The following MXD4 variants were observed in gnomAD, a reference collection of about 807,000 sequenced individuals.
MXD4 encodes MAX dimerization protein 4.
MXD4 carries 16 observed loss-of-function variants against 24.5 expected under a neutral mutation model. That is an observed-to-expected ratio of 0.65 (90% confidence interval 0.44 to 0.99). MXD4 has a LOEUF of 0.99. Ranked by LOEUF, MXD4 falls within the 50% of genes least tolerant of loss-of-function variation. The pLI, the probability that MXD4 is intolerant of heterozygous loss-of-function variation, is 0.00. For missense variants in MXD4, 301 were observed against 301.5 expected (o/e 1.00, Z 0.01); for synonymous variants, 164 against 134.2 (o/e 1.22, Z -1.54).
intron 2 of MXD4, among the ~76,000 whole-genome samples, chr4:2,260,754 C>G (rs941064976): frequency 1.3e-5 from 2 of 152,236 alleles, no homozygotes; most frequent in African/African-American, 4.8e-5. Context: ...TTCCCTAGAA[C>G]AGGTGGACCA....
rs189928481 is a variant in MXD4, at chr4:2,260,591, C to A, written c.164+1134G>T. On this transcript the variant is annotated intron_variant, in intron 2 of 5. Coordinates refer to ENST00000337190, the MANE Select transcript of MXD4 (RefSeq NM_006454.3). ...AGGAGGCCTGAGGCAATGGTTCCCT[C>A]GTCACACTCCTGTCCTTCCCCAAAC... 4 of 455,584 alleles carry A rather than the reference C, an allele frequency of 8.8e-6. No homozygotes were observed. The East Asian group carries it at 2.8e-4, about 32-fold the overall frequency. The allele number at this position is 455,584 out of a possible 1,614,324, so 28.2% of individuals were successfully genotyped here. A position where few individuals can be genotyped will look rare whatever the true frequency, so the allele number is the denominator to read the frequency against.
intron 4 of MXD4, among the ~76,000 whole-genome samples, chr4:2,251,928 G>A (rs1244151964): frequency 6.6e-6 from 1 of 152,168 alleles, no homozygotes; most frequent in East Asian, 1.9e-4. Flanking sequence ...GGCGGTCCCA[G>A]GGAATGTCTC....
chr4:2,261,966 G>A lies in MXD4; in HGVS notation c.15C>T (p.Ser5=). 1 of 1,432,194 alleles carries A rather than the reference G, an allele frequency of 7.0e-7. No individual in the cohort carries two copies. Among genetic ancestry groups the A allele is most frequent in the Non-Finnish European group, 9.2e-7 (1 of 1,086,650 alleles). 88.7% of individuals were successfully genotyped at this position (1,432,194 alleles called of 1,614,324 possible). Residue 5 remains serine (S), a synonymous_variant, in exon 1 of 6, where the codon TCC becomes TCT. Coordinates refer to ENST00000337190, the MANE Select transcript of MXD4 (RefSeq NM_006454.3). The stretch of plus-strand genomic sequence containing the variant: ...CGGCCGCCTCCAGCAGGATCAGCAG[G>A]GAGTTCAGCTCCATCCTCCCGCCCG... MELN[S]LLILLEAAEY...
At chr4:2,261,673 G>T in intron 2 of MXD4, 52 bp downstream of exon 2, 2 of 1,094,514 alleles carry the variant, frequency 1.8e-6, no homozygotes, top group Non-Finnish European at 2.3e-6. Flanking sequence ...CGCTCCGGGC[G>T]GGGGCGGGGG....
rs577970788 is a variant in MXD4, at chr4:2,261,653, C to T, written c.164+72G>A. 3,645 of 943,986 alleles carry T rather than the reference C, an allele frequency of 3.9e-3. 112 individuals carry two copies. The African/African-American group carries it at 0.062, about 16-fold the overall frequency. 58.5% of individuals were successfully genotyped at this position (943,986 alleles called of 1,614,324 possible). A position where few individuals can be genotyped will look rare whatever the true frequency, so the allele number is the denominator to read the frequency against. On this transcript the variant is annotated intron_variant, in intron 2 of 5. Coordinates refer to ENST00000337190, the MANE Select transcript of MXD4 (RefSeq NM_006454.3). ...AGGGCCGCGGGCCGGGAATCGGGGC[C>T]CGGAGAGCACGCTCCGGGCGGGGGC...
At chr4:2,257,674 C>T (rs1364980850) in intron 3 of MXD4, among the ~76,000 whole-genome samples, 1 of 152,268 alleles carries the variant, frequency 6.6e-6, no homozygotes, top group East Asian at 1.9e-4. Flanking sequence ...TTGGAGACCA[C>T]TGTCCTGAAA....
At chr4:2,251,995 A>C (rs940048490) in intron 4 of MXD4, among the ~76,000 whole-genome samples, 6 of 151,470 alleles carry the variant, frequency 4.0e-5, no homozygotes, top group Non-Finnish European at 7.4e-5. Flanking sequence ...TGGCACCCCC[A>C]TCAGGCTGCC....
chr4:2,261,745 C>G lies in MXD4; in HGVS notation c.144G>C (p.Val48=). 7.0e-7 allele frequency: 1 copy of G among 1,421,150 alleles called. No individual in the cohort carries two copies. Among genetic ancestry groups the G allele is most frequent in the Non-Finnish European group, 9.3e-7 (1 of 1,080,206 alleles). The allele number at this position is 1,421,150 out of a possible 1,614,324, so 88.0% of individuals were successfully genotyped here. A position where few individuals can be genotyped will look rare whatever the true frequency, so the allele number is the denominator to read the frequency against. The change falls in exon 2 of 6, where the codon GTG becomes GTC. Residue 48 remains valine (V), a synonymous_variant. Coordinates refer to ENST00000337190, the MANE Select transcript of MXD4 (RefSeq NM_006454.3). ...GGTACCTGTTGTTCGGGGCCTTGCG[C>G]ACCAGGCCGGCCGCCTTTGTTTTCT... ...AREKTKAAGL[V]RKAPNNRSSH... is the part of the protein sequence containing the mutation.
intron 4 of MXD4, 60 bp from the exon 5 acceptor site, chr4:2,251,306 C>T (rs1225121489): frequency 6.8e-7 from 1 of 1,477,162 alleles, no homozygotes; most frequent in Non-Finnish European, 9.1e-7. Flanking sequence ...ATCCCCCTGG[C>T]CAGGCACTGG....
rs1218355505 is a variant in MXD4, at chr4:2,250,681, C to G, written c.493G>C (p.Glu165Gln). 1 of 1,613,552 alleles carries G rather than the reference C, an allele frequency of 6.2e-7. No individual in the cohort carries two copies. Among genetic ancestry groups the G allele is most frequent in the Non-Finnish European group, 8.5e-7 (1 of 1,179,936 alleles). Residue 165 changes from glutamate (E) to glutamine (Q), a missense_variant, in exon 6 of 6, where the codon GAG (glutamate) becomes CAG (glutamine). Coordinates refer to ENST00000337190, the MANE Select transcript of MXD4 (RefSeq NM_006454.3). ...SEQEVDIEGM[E>Q]FGPGELDSVG... ...CTGTCCAGCTCACCAGGGCCAAACT[C>G]CATGCCCTCTATGTCCACTTCTAGG...
chr4:2,252,925 G>A (rs1040706801), intron 3 of MXD4: 5 of 195,666 alleles, frequency 2.6e-5, no homozygotes, highest in Admixed American at 5.3e-5. Flanking sequence ...CAAGATTCAC[G>A]TCTCTCTACC....
chr4:2,252,300 G>A (rs1004723550), intron 4 of MXD4, 108 bp downstream of exon 4: 21 of 884,024 alleles, frequency 2.4e-5, no homozygotes, highest in Non-Finnish European at 3.6e-5. Context: ...CCATCTTCAG[G>A]CCCTCTGATC....
At position 2,261,730 on chromosome 4, in the gene MXD4, G is replaced by T. The variant is rs376620807; in HGVS notation, c.159C>A (p.Asn53Lys). The T allele has an allele frequency of 2.1e-6, 3 of 1,402,472 alleles. No individual in the cohort carries two copies. The highest frequency in any genetic ancestry group is 2.5e-5 in the Admixed American group (1 of 40,068). 86.9% of individuals were successfully genotyped at this position (1,402,472 alleles called of 1,614,324 possible). Residue 53 changes from asparagine (N) to lysine (K), a missense_variant, in exon 2 of 6, where the codon AAC (asparagine) becomes AAA (lysine). Asn to Lys is a moderately conservative substitution (Grantham distance 94). Coordinates refer to ENST00000337190, the MANE Select transcript of MXD4 (RefSeq NM_006454.3). ...KAAGLVRKAP[N>K]NRSSHNELEK... ...TCGGGAGCGGGGGGCGGTACCTGTT[G>T]TTCGGGGCCTTGCGCACCAGGCCGG...
At chr4:2,259,557 G>A (rs1055937769) in intron 2 of MXD4, among the ~76,000 whole-genome samples, 4 of 152,170 alleles carry the variant, frequency 2.6e-5, no homozygotes, top group Admixed American at 6.5e-5. Flanking sequence ...GAGGGAGGTC[G>A]GGGTCAGCAG....
At chr4:2,254,213 A>T (rs1039573778) in intron 3 of MXD4, 25 of 152,240 alleles carry the variant, frequency 1.6e-4, no homozygotes, top group Non-Finnish European at 3.4e-4. Flanking sequence ...AAAATAAAAA[A>T]AAATTAAAAG....
At chr4:2,260,919 C>A (rs951264699) in intron 2 of MXD4, among the ~76,000 whole-genome samples, 1 of 152,164 alleles carries the variant, frequency 6.6e-6, no homozygotes, top group African/African-American at 2.4e-5. Context: ...CGGGGAGCCC[C>A]GGCCCAGGGT....
intron 2 of MXD4, chr4:2,260,669 G>A (rs549987115): frequency 4.6e-6 from 2 of 436,286 alleles, no homozygotes; most frequent in South Asian, 3.3e-5. Flanking sequence ...CCCAGCCAGG[G>A]CAGCTGGAGA....
At chr4:2,260,698 T>C in intron 2 of MXD4, 1 of 410,286 alleles carries the variant, frequency 2.4e-6, no homozygotes, top group Non-Finnish European at 4.9e-6. Context: ...ATTCCTCGCC[T>C]GGCTCAGGAT....
chr4:2,257,122 C>T (rs768273642), intron 3 of MXD4, among the ~76,000 whole-genome samples: 1 of 152,312 alleles, frequency 6.6e-6, no homozygotes, highest in Middle Eastern at 3.4e-3. Context: ...GCCTGAATCC[C>T]GGGAGAACGG....
Sources: gnomAD v4.1 joint callset for allele counts (sites outside exome capture counted in the v4.1 genomes callset) on GRCh38, gnomAD v4.1.1 for gene constraint, MANE v1.5 for transcripts, NCBI Gene and HGNC (gene_info 2026-07-23, HGNC 2026-07-21) for gene names.